Variants in ACOT1 observed in about 807,000 individuals in gnomAD.
ACOT1 encodes acyl-coenzyme A thioesterase 1.
Under a neutral mutation model 15.7 loss-of-function variants are expected in ACOT1, and 8 were observed. The observed-to-expected ratio is 0.51, with a 90% CI of 0.30 to 0.92. The LOEUF is 0.92. ACOT1 is among the 40% of genes least tolerant of loss of function. The pLI, the probability that ACOT1 is intolerant of heterozygous loss-of-function variation, is 0.06. For synonymous variants in ACOT1, 67 were observed against 241.2 expected, an observed-to-expected ratio of 0.28 and a Z score of 6.69; for missense variants, 151 against 539.4, an observed-to-expected ratio of 0.28 and a Z score of 7.13.
At chr14:73,507,931 G>A in the ACOT1 span, among the ~76,000 whole-genome samples, 2 of 152,082 alleles carry the variant, frequency 1.3e-5, no homozygotes, top group South Asian at 2.1e-4. Context: ...TTTTAGTAGA[G>A]ATGAGGTTTC....
the ACOT1 span, among the ~76,000 whole-genome samples, chr14:73,511,358 C>G: frequency 2.7e-5 from 4 of 150,272 alleles, no homozygotes; most frequent in Admixed American, 6.7e-5. Context: ...ACTAAAAATA[C>G]AAAAAAATGA....
At chr14:73,512,631 A>C in the ACOT1 span, among the ~76,000 whole-genome samples, 2 of 152,228 alleles carry the variant, frequency 1.3e-5, no homozygotes, top group Non-Finnish European at 2.9e-5. Context: ...AGTGTTTAGC[A>C]AAATGCCTGG....
chr14:73,509,363 G>A, the ACOT1 span: 3 of 1,614,102 alleles, frequency 1.9e-6, no homozygotes, highest in Non-Finnish European at 1.7e-6. Context: ...TTATGTGACT[G>A]TATGGCATAT....
chr14:73,542,186 T>A lies in ACOT1; in HGVS notation c.660+491T>A, dbSNP rs1351447544. ...TTGTATTTTTTTTTTTTAGTAGAGA[T>A]GGGGTTTCGCCATGTTGGCCAGGCT... On this transcript the variant is annotated intron_variant, in intron 2 of 2. Coordinates refer to ENST00000311148, the MANE Select transcript of ACOT1 (RefSeq NM_001037161.2). Among the ~76,000 whole-genome samples the A allele has an allele frequency of 1.9e-5, 2 of 107,108 alleles. 1 individual carries two copies. Among genetic ancestry groups the A allele is most frequent in the Non-Finnish European group, 4.0e-5 (2 of 50,574 alleles). 70.3% of individuals were successfully genotyped at this position (107,108 alleles called of 152,430 possible).
the ACOT1 span, chr14:73,491,248 CGCGCTACCCG>C: frequency 6.3e-7 from 1 of 1,583,002 alleles, no homozygotes; most frequent in South Asian, 1.1e-5. Flanking sequence ...ACCTGGGGGA[CGCGCTACCCG>C]GTGGGGCGGC....
the ACOT1 span, chr14:73,518,900 C>T: frequency 2.2e-6 from 2 of 891,592 alleles, no homozygotes; most frequent in Non-Finnish European, 3.4e-6. Flanking sequence ...AGGGGATTGC[C>T]TAGATGCTAA....
chr14:73,526,376 T>C, the ACOT1 span, among the ~76,000 whole-genome samples: 1 of 152,168 alleles, frequency 6.6e-6, no homozygotes, highest in Non-Finnish European at 1.5e-5. Context: ...ACAAGGACTA[T>C]ATTCCTTAGG....
the ACOT1 span, among the ~76,000 whole-genome samples, chr14:73,500,131 G>A: frequency 6.6e-6 from 1 of 152,174 alleles, no homozygotes; most frequent in Non-Finnish European, 1.5e-5. Context: ...ACAGGAGGCT[G>A]AGGCAGGAGA....
chr14:73,514,066 CT>C, the ACOT1 span: 7 of 1,614,200 alleles, frequency 4.3e-6, no homozygotes, highest in Non-Finnish European at 5.9e-6. Context: ...CTTCAGCATC[CT>C]CCGCAGGACC....
the ACOT1 span, chr14:73,495,428 A>G: frequency 2.6e-6 from 4 of 1,535,998 alleles, no homozygotes; most frequent in Non-Finnish European, 3.6e-6. Flanking sequence ...AAAACAAAAC[A>G]CCTGTACTAG....
At chr14:73,499,823 G>T in the ACOT1 span, among the ~76,000 whole-genome samples, 1 of 152,184 alleles carries the variant, frequency 6.6e-6, no homozygotes, top group Non-Finnish European at 1.5e-5. Context: ...GGATTCAGGG[G>T]TGTGCTCTAG....
At chr14:73,512,640 G>A in the ACOT1 span, among the ~76,000 whole-genome samples, 1 of 152,120 alleles carries the variant, frequency 6.6e-6, no homozygotes, top group African/African-American at 2.4e-5. Flanking sequence ...CAAAATGCCT[G>A]GCAAGATAAT....
the ACOT1 span, chr14:73,518,938 T>TCTAGCACATGAATAGTG: frequency 6.5e-6 from 9 of 1,380,198 alleles, no homozygotes; most frequent in Non-Finnish European, 8.9e-6. Flanking sequence ...AACTGGGAGC[T>TCTAGCACATGAATAGTG]CTAGCACATG....
the ACOT1 span, among the ~76,000 whole-genome samples, chr14:73,501,591 T>G: frequency 2.2e-5 from 3 of 136,808 alleles, no homozygotes; most frequent in Non-Finnish European, 3.3e-5. Flanking sequence ...TTTTTTTTTT[T>G]GAGATAGGGT....
the ACOT1 span, among the ~76,000 whole-genome samples, chr14:73,513,496 C>T: frequency 2.0e-5 from 3 of 151,242 alleles, no homozygotes; most frequent in South Asian, 2.1e-4. Context: ...GTGGCCAAGG[C>T]GGGCAGATCA....
the ACOT1 span, among the ~76,000 whole-genome samples, chr14:73,526,288 C>A: frequency 1.3e-5 from 2 of 152,216 alleles, no homozygotes; most frequent in Non-Finnish European, 1.5e-5. Flanking sequence ...GTGGGACAGA[C>A]CTGAGTCCCA....
At chr14:73,523,215 G>C in the ACOT1 span, 7 of 1,460,810 alleles carry the variant, frequency 4.8e-6, 1 homozygote, top group African/African-American at 8.4e-5. Context: ...CTGGAGATGA[G>C]ACCTGGCACC....
the ACOT1 span, chr14:73,499,219 C>T: frequency 4.9e-6 from 6 of 1,228,764 alleles, no homozygotes; most frequent in Non-Finnish European, 7.2e-6. Flanking sequence ...GGTGGTGCAC[C>T]CCTGTAATCC....
At chr14:73,523,027 A>G in the ACOT1 span, 1 of 1,614,242 alleles carries the variant, frequency 6.2e-7, no homozygotes, top group Non-Finnish European at 8.5e-7. Context: ...CACTGGAGAC[A>G]GAGGCACACT....
Sources: allele counts gnomAD v4.1 joint callset (sites outside exome capture counted in the v4.1 genomes callset), GRCh38; gene constraint gnomAD v4.1.1; transcripts MANE v1.5; gene names NCBI Gene and HGNC (gene_info 2026-07-23, HGNC 2026-07-21).